The following ARID5B variants were observed in gnomAD, a reference collection of about 807,000 sequenced individuals.
ARID5B encodes AT-rich interactive domain-containing protein 5B.
In ARID5B, 13 loss-of-function variants were observed where a neutral mutation model predicts 97.2. The observed-to-expected ratio is 0.13, with a 90% CI of 0.09 to 0.21. ARID5B has a LOEUF of 0.21. Ranked by LOEUF, ARID5B falls within the 10% of genes least tolerant of loss-of-function variation. The pLI, the probability that ARID5B is intolerant of heterozygous loss-of-function variation, is 1.00. For synonymous variants in ARID5B, 556 were observed against 570.3 expected, an observed-to-expected ratio of 0.97 and a Z score of 0.36; for missense variants, 1,210 against 1,465.3, an observed-to-expected ratio of 0.83 and a Z score of 2.84.
At chr10:61,901,973 GTT>G (rs371641779) in intron 1 of ARID5B, among the ~76,000 whole-genome samples, 184 bp from the exon 2 acceptor site, 1,463 of 131,556 alleles carry the variant, frequency 0.011, 7 homozygotes, top group Middle Eastern at 0.035. Context: ...GGGGCCCTGA[GTT>G]TTTTTTTTTT....
intron 4 of ARID5B, among the ~76,000 whole-genome samples, chr10:62,025,811 GAAAAA>G (rs750842683): frequency 3.4e-5 from 2 of 59,624 alleles, no homozygotes; most frequent in Non-Finnish European, 3.6e-5. Context: ...GAGTGGAAGC[GAAAAA>G]AAAAAAAAAA....
At chr10:61,923,785 C>T (rs1022455326) in intron 2 of ARID5B, among the ~76,000 whole-genome samples, 1 of 152,236 alleles carries the variant, frequency 6.6e-6, no homozygotes, top group African/African-American at 2.4e-5. Context: ...TCTGCCTGGG[C>T]GCTGTGTGTT....
intron 3 of ARID5B, among the ~76,000 whole-genome samples, chr10:61,994,516 A>G (rs552166690): frequency 6.6e-6 from 1 of 152,280 alleles, no homozygotes. Context: ...CCATTAATTC[A>G]TTGTGTTTGC....
At chr10:62,082,077 G>GT (rs1037971510) in intron 8 of ARID5B, among the ~76,000 whole-genome samples, 3 of 151,884 alleles carry the variant, frequency 2.0e-5, no homozygotes, top group Non-Finnish European at 2.9e-5. Context: ...AAGAATCTCC[G>GT]TGATAGCAAA....
intron 2 of ARID5B, among the ~76,000 whole-genome samples, chr10:61,933,958 C>T (rs1378917558): frequency 6.6e-6 from 1 of 152,058 alleles, no homozygotes; most frequent in Non-Finnish European, 1.5e-5. Context: ...TCTTTTTTGC[C>T]CAATATAAGG....
Position 61,996,895 on chromosome 10 carries a change from A to ATATAT in ARID5B, c.503-3196_503-3195insTATAT, listed in dbSNP as rs1554843347. Among the ~76,000 whole-genome samples the ATATAT allele has an allele frequency of 6.5e-4, 95 of 146,200 alleles. No homozygotes were observed. In the East Asian group the frequency reaches 0.014, roughly 22 times the overall value. On this transcript the variant is annotated intron_variant, in intron 3 of 9. Transcript: ENST00000279873. ...AAAAGTCTGACAACTGAAAAAAAAA[A>ATATAT]ATATATATATATATATATTTCAAAA...
chr10:61,942,715 C>T (rs1844431914), intron 3 of ARID5B, among the ~76,000 whole-genome samples: 1 of 152,150 alleles, frequency 6.6e-6, no homozygotes, highest in Non-Finnish European at 1.5e-5. Context: ...TTGCTGGAAC[C>T]TGGGAGGCAG....
Position 62,093,677 on chromosome 10 carries a change from T to G in ARID5B, c.*647T>G, listed in dbSNP as rs951385353. ...TTTTTTTTTTTTTTTTTTTTTTTTT[T>G]TATTAAATGGTATTGCTTTTGTTTG... On this transcript the variant is annotated 3_prime_UTR_variant, in exon 10 of 10. Coordinates refer to ENST00000279873, the MANE Select transcript of ARID5B (RefSeq NM_032199.3). The G allele has an allele frequency of 2.2e-5, 5 of 225,558 alleles. No individual in the cohort carries two copies. Among genetic ancestry groups the G allele is most frequent in the African/African-American group, 1.1e-4 (5 of 43,486 alleles). The allele number at this position is 225,558 out of a possible 1,614,324, so 14.0% of individuals were successfully genotyped here. A position where few individuals can be genotyped will look rare whatever the true frequency, so the allele number is the denominator to read the frequency against.
intron 3 of ARID5B, among the ~76,000 whole-genome samples, chr10:61,973,281 C>A (rs1346137529): frequency 1.3e-5 from 2 of 152,112 alleles, no homozygotes; most frequent in African/African-American, 2.4e-5. Context: ...AATAGAGGAA[C>A]CTCATTAGAA....
At chr10:61,986,306 A>C (rs1296777250) in intron 3 of ARID5B, among the ~76,000 whole-genome samples, 1 of 152,192 alleles carries the variant, frequency 6.6e-6, no homozygotes, top group Admixed American at 6.5e-5. Flanking sequence ...AGGAGGATTG[A>C]ATGAATCTAA....
At chr10:61,926,828 G>A (rs1844114439) in intron 2 of ARID5B, among the ~76,000 whole-genome samples, 1 of 152,070 alleles carries the variant, frequency 6.6e-6, no homozygotes, top group African/African-American at 2.4e-5. Context: ...GTTTCATCGT[G>A]TTGGCCAGGA....
intron 4 of ARID5B, among the ~76,000 whole-genome samples, chr10:62,050,419 C>T (rs1341870854): frequency 2.0e-5 from 3 of 152,130 alleles, no homozygotes; most frequent in African/African-American, 7.2e-5. Flanking sequence ...GAGAGAATGC[C>T]CTTGTCTCTG....
chr10:61,932,509 C>T (rs1451478283), intron 2 of ARID5B, among the ~76,000 whole-genome samples: 1 of 151,288 alleles, frequency 6.6e-6, no homozygotes, highest in Non-Finnish European at 1.5e-5. Context: ...TTCCCAGGCT[C>T]AAGTGATCCT....
chr10:62,043,715 C>T (rs374670492), intron 4 of ARID5B, among the ~76,000 whole-genome samples: 41 of 152,238 alleles, frequency 2.7e-4, no homozygotes, highest in South Asian at 1.2e-3. Context: ...AGAGAGACGG[C>T]GGATCAGGAA....
At chr10:62,047,183 G>C (rs1839721228) in intron 4 of ARID5B, among the ~76,000 whole-genome samples, 1 of 152,054 alleles carries the variant, frequency 6.6e-6, no homozygotes, top group Non-Finnish European at 1.5e-5. Context: ...TGTAAGATGG[G>C]GATAAGGATC....
intron 3 of ARID5B, among the ~76,000 whole-genome samples, chr10:61,987,806 A>C (rs1006674544): frequency 8.5e-5 from 13 of 152,268 alleles, no homozygotes; most frequent in Non-Finnish European, 1.8e-4. Flanking sequence ...AGAGATACCC[A>C]GAAACAGGGA....
At chr10:61,995,149 T>G (rs1315852154) in intron 3 of ARID5B, among the ~76,000 whole-genome samples, 1 of 152,228 alleles carries the variant, frequency 6.6e-6, no homozygotes, top group Non-Finnish European at 1.5e-5. Context: ...TTTGATTTCT[T>G]TTTCTCTATG....
Position 62,091,602 on chromosome 10 carries a change from A to G in ARID5B, c.2139A>G (p.Pro713=), listed in dbSNP as rs763138792. Residue 713 remains proline (P), a synonymous_variant, in exon 10 of 10, where the codon CCA becomes CCG. Transcript: ENST00000279873. ...SLSSSYPYGS[P]PPLISKKKLI... is the part of the protein sequence containing the mutation. ...CCAGCAGCTACCCTTATGGCTCCCCACCCCCTTTGATCAGCAAAAAGAAAC... is the reference window on the plus strand; with the variant it reads ...CCAGCAGCTACCCTTATGGCTCCCCGCCCCCTTTGATCAGCAAAAAGAAAC... The G allele has an allele frequency of 3.1e-6, 5 of 1,612,328 alleles. No homozygotes were observed. The highest frequency in any genetic ancestry group is 2.5e-6 in the Non-Finnish European group (3 of 1,179,504).
intron 3 of ARID5B, among the ~76,000 whole-genome samples, chr10:61,944,055 G>GCATT (rs1170353300): frequency 6.6e-6 from 1 of 152,096 alleles, no homozygotes; most frequent in Non-Finnish European, 1.5e-5. Context: ...GTGGTAAAGT[G>GCATT]CATTCATTCT....
Sources: allele counts gnomAD v4.1 joint callset (sites outside exome capture counted in the v4.1 genomes callset), GRCh38; gene constraint gnomAD v4.1.1; transcripts MANE v1.5; gene names NCBI Gene and HGNC (gene_info 2026-07-23, HGNC 2026-07-21).